UMPS: variants seen among roughly 807,000 people sequenced by gnomAD.
The protein encoded by UMPS is uridine 5'-monophosphate synthase.
Under a neutral mutation model 38.9 loss-of-function variants are expected in UMPS, and 21 were observed. That is an observed-to-expected ratio of 0.54 (90% CI 0.38 to 0.78). The LOEUF (loss-of-function observed/expected upper bound fraction) is 0.78, where lower values mean the gene tolerates loss of function less well. Ranked by LOEUF, UMPS falls within the 30% of genes least tolerant of loss-of-function variation. UMPS has a pLI of 0.00. For missense variants in UMPS, 533 were observed against 591.6 expected (o/e 0.90, Z 1.03); for synonymous variants, 208 against 219.3 (o/e 0.95, Z 0.45).
At chr3:124,738,339 A>C in intron 3 of UMPS, 100 bp downstream of exon 3, 2 of 1,333,712 alleles carry the variant, frequency 1.5e-6, no homozygotes, top group South Asian at 2.5e-5. Context: ...TTCATAGAGC[A>C]GGCTGTCAAG....
chr3:124,747,103 C>G lies in UMPS; in HGVS notation c.*3019C>G, dbSNP rs532202043. ...AACCTTGACTTGGGCTCAAGCGATCCGCTCAAGTAGCTGGAACTACTCTCA... is the reference window on the plus strand; with the variant it reads ...AACCTTGACTTGGGCTCAAGCGATCGGCTCAAGTAGCTGGAACTACTCTCA... On this transcript the variant is annotated 3_prime_UTR_variant, in exon 6 of 6. Transcript: ENST00000232607. 2.2e-6 allele frequency: 1 copy of G among 453,776 alleles called. No homozygotes were observed. Among genetic ancestry groups the G allele is most frequent in the Non-Finnish European group, 4.4e-6 (1 of 226,586 alleles). 28.1% of individuals were successfully genotyped at this position (453,776 alleles called of 1,614,324 possible). A position where few individuals can be genotyped will look rare whatever the true frequency, so the allele number is the denominator to read the frequency against.
In UMPS at chr3:124,744,023, A is replaced by G. The variant is rs551267697; in HGVS notation, c.1382A>G (p.Glu461Gly). ...RGIISAADRL[E>G]AAEMYRKAAW... ...ATAATCTCAGCAGCTGATCGTCTGG[A>G]AGCAGCAGAGATGTACAGAAAAGCT... Residue 461 changes from glutamate (E) to glycine (G), a missense_variant, in exon 6 of 6, where the codon GAA (glutamate) becomes GGA (glycine). Glu to Gly is a moderately conservative substitution (Grantham distance 98, BLOSUM62 -2). Coordinates refer to ENST00000232607, the MANE Select transcript of UMPS (RefSeq NM_000373.4). 1 of 1,614,224 alleles carries G rather than the reference A, an allele frequency of 6.2e-7. No individual in the cohort carries two copies. The highest frequency in any genetic ancestry group is 1.1e-5 in the South Asian group (1 of 91,088).
In UMPS at chr3:124,748,697, T is replaced by C. The variant is rs1325461945; in HGVS notation, c.*4613T>C. On this transcript the variant is annotated 3_prime_UTR_variant, in exon 6 of 6. Coordinates refer to ENST00000232607, the MANE Select transcript of UMPS (RefSeq NM_000373.4). ...CTGTCAGCAGAGGAGGTCTGTGTCATGTTTTTCAGCGCTGGGGTTGGGGGG... is the reference window on the plus strand; with the variant it reads ...CTGTCAGCAGAGGAGGTCTGTGTCACGTTTTTCAGCGCTGGGGTTGGGGGG... 1 of 452,772 alleles carries C rather than the reference T, an allele frequency of 2.2e-6. No individual in the cohort carries two copies. The highest frequency in any genetic ancestry group is 2.4e-5 in the Admixed American group (1 of 42,408). The allele number at this position is 452,772 out of a possible 1,614,324, so 28.0% of individuals were successfully genotyped here.
chr3:124,747,712 C>G lies in UMPS; in HGVS notation c.*3628C>G, dbSNP rs970950471. 4.4e-5 allele frequency: 20 copies of G among 453,632 alleles called. No individual in the cohort carries two copies. Among genetic ancestry groups the G allele is most frequent in the South Asian group, 2.5e-4 (16 of 64,466 alleles). The allele number at this position is 453,632 out of a possible 1,614,324, so 28.1% of individuals were successfully genotyped here. ...TAAATACATTTAACTTGCTGCAGCTCTCTGGATCCAGCCTGGTTACCAGGA... is the reference window on the plus strand; with the variant it reads ...TAAATACATTTAACTTGCTGCAGCTGTCTGGATCCAGCCTGGTTACCAGGA... On this transcript the variant is annotated 3_prime_UTR_variant, in exon 6 of 6. Transcript: ENST00000232607.
intron 2 of UMPS, chr3:124,737,267 A>C (rs1579130451): frequency 3.1e-6 from 1 of 319,798 alleles, no homozygotes; most frequent in East Asian, 8.1e-5. Context: ...TTAAAGTAAA[A>C]AAAAAACCTC....
rs1439511661 is a variant in UMPS, at chr3:124,747,039, ACT to A, written c.*2958_*2959del. 6 of 453,366 alleles carry A rather than the reference ACT, an allele frequency of 1.3e-5. No individual in the cohort carries two copies. Among genetic ancestry groups the A allele is most frequent in the Non-Finnish European group, 2.6e-5 (6 of 226,674 alleles). 28.1% of individuals were successfully genotyped at this position (453,366 alleles called of 1,614,324 possible). On this transcript the variant is annotated 3_prime_UTR_variant, in exon 6 of 6. Coordinates refer to ENST00000232607, the MANE Select transcript of UMPS (RefSeq NM_000373.4). ...TTTGTTTGTTTGATACAGGGTCTTC[ACT>A]CTGTTGCCCAGGCTGGAGTATATCA... is the stretch of plus-strand genomic sequence containing the variant.
chr3:124,740,921 C>T (rs2063552058), intron 4 of UMPS, among the ~76,000 whole-genome samples: 2 of 151,936 alleles, frequency 1.3e-5, no homozygotes, highest in Admixed American at 1.3e-4. Context: ...TTTACCTCAG[C>T]CTGGGCAAGA....
chr3:124,746,754 A>ATT lies in UMPS; in HGVS notation c.*2671_*2672dup, dbSNP rs764845886. 62 of 302,820 alleles carry ATT rather than the reference A, an allele frequency of 2.0e-4. No homozygotes were observed. The highest frequency in any genetic ancestry group is 3.9e-4 in the African/African-American group (9 of 22,862). 18.8% of individuals were successfully genotyped at this position (302,820 alleles called of 1,614,324 possible). Reference sequence around the variant, plus strand: ...CATTCTGTAGAACATAAGCCCATAGATTGTGTGTGTGTGTGTGTGTGTGTG... The same window carrying ATT: ...CATTCTGTAGAACATAAGCCCATAGATTTTGTGTGTGTGTGTGTGTGTGTGTG... On this transcript the variant is annotated 3_prime_UTR_variant, in exon 6 of 6. Coordinates refer to ENST00000232607, the MANE Select transcript of UMPS (RefSeq NM_000373.4).
Position 124,748,914 on chromosome 3 carries a change from AT to A in UMPS, c.*4831del, listed in dbSNP as rs1167931773. On this transcript the variant is annotated 3_prime_UTR_variant, in exon 6 of 6. Transcript: ENST00000232607. ...AGACCTGGTGGGCCTGAGAGTCTCAATCGTCAGGTAAGGACAGTCAGTGGGA... is the reference window on the plus strand; with the variant it reads ...AGACCTGGTGGGCCTGAGAGTCTCAACGTCAGGTAAGGACAGTCAGTGGGA... 2.2e-6 allele frequency: 1 copy of A among 446,548 alleles called. No individual in the cohort carries two copies. Among genetic ancestry groups the A allele is most frequent in the East Asian group, 7.0e-5 (1 of 14,270 alleles). 27.7% of individuals were successfully genotyped at this position (446,548 alleles called of 1,614,324 possible).
intron 2 of UMPS, among the ~76,000 whole-genome samples, 159 bp downstream of exon 2, chr3:124,735,405 C>T (rs1212876331): frequency 1.3e-5 from 2 of 151,922 alleles, no homozygotes; most frequent in African/African-American, 2.4e-5. Flanking sequence ...AGTCACCTTC[C>T]TTTTTTTAGA....
In UMPS at chr3:124,747,786, A is replaced by G; in HGVS notation, c.*3702A>G. ...GAACCAGTCTTCTGCCTTCCCAACCATCACCTCTGGCTGCATCAGCGATCT... is the reference window on the plus strand; with the variant it reads ...GAACCAGTCTTCTGCCTTCCCAACCGTCACCTCTGGCTGCATCAGCGATCT... On this transcript the variant is annotated 3_prime_UTR_variant, in exon 6 of 6. Transcript: ENST00000232607. 1 of 450,202 alleles carries G rather than the reference A, an allele frequency of 2.2e-6. No homozygotes were observed. Among genetic ancestry groups the G allele is most frequent in the South Asian group, 1.6e-5 (1 of 64,440 alleles). 27.9% of individuals were successfully genotyped at this position (450,202 alleles called of 1,614,324 possible).
chr3:124,737,305 C>A, intron 2 of UMPS: 3 of 399,292 alleles, frequency 7.5e-6, no homozygotes, highest in East Asian at 5.1e-5. Flanking sequence ...TCATAAAACA[C>A]ATTAAGCAGT....
chr3:124,742,314 C>T, intron 5 of UMPS, 48 bp downstream of exon 5: 2 of 1,360,536 alleles, frequency 1.5e-6, no homozygotes, highest in Non-Finnish European at 2.1e-6. Context: ...CTTCTTTACC[C>T]ATGGCAGGCA....
chr3:124,737,931 T>C lies in UMPS; in HGVS notation c.674T>C (p.Leu225Pro). ...TCTATAAAGGAAGCACCCAAAGAACTCAGCTTCGGTGCACGTGCAGAGCTG... is the reference window on the plus strand; with the variant it reads ...TCTATAAAGGAAGCACCCAAAGAACCCAGCTTCGGTGCACGTGCAGAGCTG... ...PLSIKEAPKE[L>P]SFGARAELPR... Residue 225 changes from leucine to proline, a missense_variant, in exon 3 of 6, where the codon CTC becomes CCC. By Grantham distance (98) the Leu-to-Pro change is moderately conservative. Coordinates refer to ENST00000232607, the MANE Select transcript of UMPS (RefSeq NM_000373.4). 6.2e-7 allele frequency: 1 copy of C among 1,614,200 alleles called. No individual in the cohort carries two copies. Among genetic ancestry groups the C allele is most frequent in the Non-Finnish European group, 8.5e-7 (1 of 1,180,030 alleles).
intron 3 of UMPS, chr3:124,738,736 G>A (rs1014050344): frequency 6.5e-6 from 1 of 154,888 alleles, no homozygotes; most frequent in Admixed American, 6.4e-5. Context: ...ATATAAAATG[G>A]TAAGATTTAT....
intron 1 of UMPS, among the ~76,000 whole-genome samples, chr3:124,734,816 T>C (rs13092695): frequency 0.17 from 26,183 of 152,026 alleles, 2,462 homozygotes; most frequent in Admixed American, 0.25. Context: ...GCCAAGAGTT[T>C]GAGGCCAGCC....
At chr3:124,743,454 G>A (rs1376720201) in intron 5 of UMPS, among the ~76,000 whole-genome samples, 2 of 151,312 alleles carry the variant, frequency 1.3e-5, no homozygotes, top group South Asian at 4.2e-4. Flanking sequence ...TGGCTAACAC[G>A]GTGAAACTCC....
chr3:124,731,205 C>CA lies in UMPS; in HGVS notation c.156+584dup, dbSNP rs527970058. ...TGGGCGACAAGTGAGACCCTGCCCT[C>CA]AAAAAACAAACAAATAGACCGGGAA... On this transcript the variant is annotated intron_variant, in intron 1 of 5. Transcript: ENST00000232607. Among the ~76,000 whole-genome samples the CA allele has an allele frequency of 4.7e-3, 661 of 141,246 alleles. 1 individual carries two copies. Among genetic ancestry groups the CA allele is most frequent in the Non-Finnish European group, 5.5e-3 (344 of 62,590 alleles). The allele number at this position is 141,246 out of a possible 152,430, so 92.7% of individuals were successfully genotyped here. A position where few individuals can be genotyped will look rare whatever the true frequency, so the allele number is the denominator to read the frequency against.
chr3:124,746,686 G>A lies in UMPS; in HGVS notation c.*2602G>A. 1 of 453,232 alleles carries A rather than the reference G, an allele frequency of 2.2e-6. No homozygotes were observed. The highest frequency in any genetic ancestry group is 4.4e-6 in the Non-Finnish European group (1 of 226,240). 28.1% of individuals were successfully genotyped at this position (453,232 alleles called of 1,614,324 possible). A position where few individuals can be genotyped will look rare whatever the true frequency, so the allele number is the denominator to read the frequency against. On this transcript the variant is annotated 3_prime_UTR_variant, in exon 6 of 6. Transcript: ENST00000232607. ...TGCACAGAATGTCTGTGAGACTGAT[G>A]GAGTGGAGAACGCCATCCCCCAGCC...
Sources: gnomAD v4.1 joint callset for allele counts (sites outside exome capture counted in the v4.1 genomes callset) on GRCh38, gnomAD v4.1.1 for gene constraint, MANE v1.5 for transcripts, NCBI Gene and HGNC (gene_info 2026-07-23, HGNC 2026-07-21) for gene names.